Variants in ZNF804A observed in about 807,000 individuals in gnomAD.
The protein encoded by ZNF804A is zinc finger protein 804A.
A neutral mutation model predicts 16.5 loss-of-function variants in ZNF804A; 2 were observed. The ratio of observed to expected loss-of-function variants is 0.12; its 90% CI spans 0.05 to 0.38. ZNF804A has a LOEUF of 0.38. Among genes scored for constraint, ZNF804A ranks in the 10% least tolerant of loss-of-function variants. The pLI is 0.99. For synonymous variants in ZNF804A, 534 were observed against 489.6 expected, an observed-to-expected ratio of 1.09 and a Z score of -1.20; for missense variants, 1,473 against 1,390.7, an observed-to-expected ratio of 1.06 and a Z score of -0.94.
In ZNF804A at chr2:184,937,982, T is replaced by C; in HGVS notation, c.2586T>C (p.Val862=). 6.2e-7 allele frequency: 1 copy of C among 1,614,010 alleles called. No homozygotes were observed. The highest frequency in any genetic ancestry group is 8.5e-7 in the Non-Finnish European group (1 of 1,179,994). ...AAGAGAAAATGAAACCACAAGAAGT[T>C]GCAAAAATCGAAAGGAACTCAGAAC... ...DKKEKMKPQE[V]AKIERNSEQT... is the part of the protein sequence containing the mutation. Residue 862 remains valine, a synonymous_variant, in exon 4 of 4, where the codon GTT becomes GTC. Coordinates refer to ENST00000302277, the MANE Select transcript of ZNF804A (RefSeq NM_194250.2).
chr2:184,826,588 T>C (rs1695171945), intron 1 of ZNF804A, among the ~76,000 whole-genome samples: 1 of 152,134 alleles, frequency 6.6e-6, no homozygotes, highest in Non-Finnish European at 1.5e-5. Flanking sequence ...ATTTGTGACA[T>C]TGCTTTTTAT....
intron 2 of ZNF804A, among the ~76,000 whole-genome samples, chr2:184,901,798 C>T (rs1332404142): frequency 3.3e-5 from 5 of 151,528 alleles, no homozygotes; most frequent in Non-Finnish European, 1.5e-5. Flanking sequence ...AATTATAAAC[C>T]TTGGTCTTAG....
intron 1 of ZNF804A, among the ~76,000 whole-genome samples, chr2:184,813,398 A>G (rs1694930138): frequency 6.6e-6 from 1 of 152,124 alleles, no homozygotes; most frequent in South Asian, 2.1e-4. Flanking sequence ...AGGGAGAATT[A>G]GGGTTTGAGC....
At chr2:184,794,343 T>C (rs1386366014) in intron 1 of ZNF804A, among the ~76,000 whole-genome samples, 9 of 152,170 alleles carry the variant, frequency 5.9e-5, no homozygotes, top group African/African-American at 2.2e-4. Context: ...CATTTTTTCA[T>C]ACGTTTGTTG....
chr2:184,651,727 G>A (rs1316384300), intron 1 of ZNF804A, among the ~76,000 whole-genome samples: 1 of 151,916 alleles, frequency 6.6e-6, no homozygotes, highest in East Asian at 1.9e-4. Context: ...ATGCAAATCA[G>A]AATCACAATG....
intron 1 of ZNF804A, among the ~76,000 whole-genome samples, chr2:184,617,476 G>A (rs1381280559): frequency 2.0e-5 from 3 of 151,850 alleles, no homozygotes; most frequent in East Asian, 3.9e-4. Context: ...TTTATGAATA[G>A]CAGAACAAAT....
intron 2 of ZNF804A, among the ~76,000 whole-genome samples, chr2:184,900,377 C>G (rs1026619697): frequency 6.6e-6 from 1 of 152,038 alleles, no homozygotes. Flanking sequence ...TTTAAAACTA[C>G]GCGAAGAAGA....
intron 1 of ZNF804A, among the ~76,000 whole-genome samples, chr2:184,829,101 T>G (rs990953063): frequency 6.6e-6 from 1 of 151,702 alleles, no homozygotes; most frequent in Non-Finnish European, 1.5e-5. Context: ...ATAGTAAATG[T>G]AAATGCACTT....
chr2:184,929,506 TGTGA>T (rs772776433), intron 2 of ZNF804A, among the ~76,000 whole-genome samples: 9 of 152,226 alleles, frequency 5.9e-5, no homozygotes, highest in Admixed American at 3.3e-4. Context: ...TGTGTGTATG[TGTGA>T]GTATGTAATA....
chr2:184,725,584 C>T (rs1222008210), intron 1 of ZNF804A, among the ~76,000 whole-genome samples: 3 of 151,576 alleles, frequency 2.0e-5, no homozygotes, highest in Non-Finnish European at 4.4e-5. Context: ...GTATACCTTT[C>T]ATCCAGTTTC....
chr2:184,854,110 T>C (rs1695649992), intron 1 of ZNF804A, among the ~76,000 whole-genome samples: 1 of 152,054 alleles, frequency 6.6e-6, no homozygotes, highest in Non-Finnish European at 1.5e-5. Flanking sequence ...CTACTCATTA[T>C]TGGCCTGTTC....
At chr2:184,789,577 T>G (rs1477002291) in intron 1 of ZNF804A, among the ~76,000 whole-genome samples, 1 of 152,128 alleles carries the variant, frequency 6.6e-6, no homozygotes, top group Non-Finnish European at 1.5e-5. Flanking sequence ...GTTGTATGTT[T>G]CCATGAATTT....
At chr2:184,828,007 G>A (rs539570145) in intron 1 of ZNF804A, among the ~76,000 whole-genome samples, 290 of 145,376 alleles carry the variant, frequency 2.0e-3, no homozygotes, top group Non-Finnish European at 3.4e-3. Context: ...GGTTTACCAA[G>A]AATAATATAA....
At chr2:184,751,713 A>T (rs1693880260) in intron 1 of ZNF804A, among the ~76,000 whole-genome samples, 1 of 151,776 alleles carries the variant, frequency 6.6e-6, no homozygotes, top group South Asian at 2.1e-4. Context: ...ATTGGAGAAA[A>T]CATTTGCAAA....
intron 2 of ZNF804A, among the ~76,000 whole-genome samples, chr2:184,872,263 A>G (rs536037661): frequency 8.5e-5 from 13 of 152,252 alleles, no homozygotes; most frequent in African/African-American, 3.1e-4. Flanking sequence ...ATGAAATACC[A>G]AACACATTCT....
At chr2:184,843,090 A>C (rs1383743606) in intron 1 of ZNF804A, among the ~76,000 whole-genome samples, 1 of 152,028 alleles carries the variant, frequency 6.6e-6, no homozygotes, top group African/African-American at 2.4e-5. Context: ...TATCATGTCC[A>C]TGTATATAGT....
intron 1 of ZNF804A, among the ~76,000 whole-genome samples, chr2:184,655,753 T>A (rs777754818): frequency 3.3e-5 from 5 of 152,108 alleles, no homozygotes; most frequent in Non-Finnish European, 7.4e-5. Context: ...AAGGCCCTAC[T>A]ATTTGTGACA....
At chr2:184,845,510 C>T (rs1009896139) in intron 1 of ZNF804A, among the ~76,000 whole-genome samples, 1 of 152,080 alleles carries the variant, frequency 6.6e-6, no homozygotes, top group Non-Finnish European at 1.5e-5. Context: ...ATGTTGCCCA[C>T]ACTTCCCCAA....
intron 2 of ZNF804A, among the ~76,000 whole-genome samples, chr2:184,874,545 T>C (rs1696023231): frequency 6.6e-6 from 1 of 152,158 alleles, no homozygotes; most frequent in African/African-American, 2.4e-5. Flanking sequence ...TTGTTAACTC[T>C]TCCTTGTGCC....
Sources: gnomAD v4.1 joint callset for allele counts (sites outside exome capture counted in the v4.1 genomes callset) on GRCh38, gnomAD v4.1.1 for gene constraint, MANE v1.5 for transcripts, NCBI Gene and HGNC (gene_info 2026-07-23, HGNC 2026-07-21) for gene names.